The following IL6ST variants were observed in gnomAD, a reference collection of about 807,000 sequenced individuals.
The protein encoded by IL6ST is interleukin-6 receptor subunit beta.
In IL6ST, 24 loss-of-function variants were observed where a neutral mutation model predicts 91.3. The observed-to-expected ratio is 0.26, with a 90% CI of 0.19 to 0.37. The LOEUF (loss-of-function observed/expected upper bound fraction) is 0.37. Among genes scored for constraint, IL6ST ranks in the 10% least tolerant of loss-of-function variants. The pLI is 1.00. For missense variants in IL6ST, 914 were observed against 1,078.5 expected, an observed-to-expected ratio of 0.85 and a Z score of 2.14; for synonymous variants, 351 against 373.6, an observed-to-expected ratio of 0.94 and a Z score of 0.70.
At chr5:55,966,367 T>C (rs953442656) in intron 5 of IL6ST, among the ~76,000 whole-genome samples, 13 of 152,192 alleles carry the variant, frequency 8.5e-5, no homozygotes, top group South Asian at 2.1e-4. Flanking sequence ...CTTGCTGGGA[T>C]TGACTGAAGG....
intron 15 of IL6ST, 22 bp from the exon 16 acceptor site, chr5:55,942,773 C>A (rs1308006891): frequency 7.2e-7 from 1 of 1,381,052 alleles, no homozygotes; most frequent in South Asian, 1.2e-5. Context: ...AGAAAAATGG[C>A]CTATGTAAAA....
At chr5:55,971,703 T>C (rs1021500178) in intron 3 of IL6ST, among the ~76,000 whole-genome samples, 7 of 152,084 alleles carry the variant, frequency 4.6e-5, no homozygotes, top group African/African-American at 1.7e-4. Flanking sequence ...ACGCCTGTAG[T>C]CCCAGCTACT....
intron 2 of IL6ST, among the ~76,000 whole-genome samples, chr5:55,979,160 G>A (rs891665601): frequency 6.6e-5 from 10 of 152,176 alleles, no homozygotes; most frequent in African/African-American, 2.2e-4. Context: ...GGGAGGCTGA[G>A]GGGGAAGAAT....
rs1274122062 is a variant in IL6ST at position 55,951,562 on chromosome 5, G to C, written c.1742C>G (p.Ser581Cys). 1.2e-6 allele frequency: 2 copies of C among 1,612,764 alleles called. No individual in the cohort carries two copies. Among genetic ancestry groups the C allele is most frequent in the Non-Finnish European group, 1.7e-6 (2 of 1,178,780 alleles). ...DSSHTEYTLSSLTSDTLYMVR... is the reference protein window; with the variant it reads ...DSSHTEYTLSCLTSDTLYMVR... ...CATGTACAATGTGTCACTAGTCAAA[G>C]AGGACAATGTATATTCTGTGTGGGA... The change falls in exon 14 of 17, where the codon TCT becomes TGT. Residue 581 changes from serine (S) to cysteine (C), a missense_variant. By Grantham distance (112) the Ser-to-Cys change is moderately radical (BLOSUM62 -1). Transcript: ENST00000381298.
chr5:55,949,645 T>C (rs1304325301), intron 14 of IL6ST, among the ~76,000 whole-genome samples: 1 of 152,216 alleles, frequency 6.6e-6, no homozygotes, highest in East Asian at 1.9e-4. Context: ...TAAAGTTTTA[T>C]TTTAAATAAC....
chr5:55,978,768 A>T (rs929462918), intron 2 of IL6ST, among the ~76,000 whole-genome samples: 2 of 152,240 alleles, frequency 1.3e-5, no homozygotes, highest in South Asian at 4.1e-4. Flanking sequence ...GTTTTTGCTG[A>T]TAAGAAACGC....
In IL6ST at chr5:55,947,519, C is replaced by A. The variant is rs759086464; in HGVS notation, c.1911G>T (p.Val637=). 8 of 1,586,662 alleles carry A rather than the reference C, an allele frequency of 5.0e-6. No individual in the cohort carries two copies. Among genetic ancestry groups the A allele is most frequent in the Non-Finnish European group, 5.1e-6 (6 of 1,167,104 alleles). ...LAFLLTTLLG[V]LFCFNKRDLI... ...GGTCTCGCTTATTAAAGCAGAACAG[C>A]ACTCCCAGAAGAGTTGTCAATAGGA... The change falls in exon 15 of 17, where the codon GTG becomes GTT. Residue 637 remains valine (V), a synonymous_variant. Coordinates refer to ENST00000381298, the MANE Select transcript of IL6ST (RefSeq NM_002184.4).
At chr5:55,986,813 G>C (rs530540451) in intron 1 of IL6ST, among the ~76,000 whole-genome samples, 2 of 152,010 alleles carry the variant, frequency 1.3e-5, no homozygotes, top group African/African-American at 2.4e-5. Flanking sequence ...GTATATAATA[G>C]TATACTTCCA....
rs80236820 is a variant in IL6ST, at chr5:55,951,838, A to G, written c.1699+91T>C. 374 of 849,116 alleles carry G rather than the reference A, an allele frequency of 4.4e-4. 3 individuals are homozygous for G. In the African/African-American group the frequency reaches 6.0e-3, roughly 14 times the overall value. 52.6% of individuals were successfully genotyped at this position (849,116 alleles called of 1,614,324 possible). ...AGGTGTCTCCTGAGGCCAATATACT[A>G]TAAGATGTATAAGAAGAACAGACTT... is the stretch of plus-strand genomic sequence containing the variant. On this transcript the variant is annotated intron_variant, in intron 13 of 16. Transcript: ENST00000381298.
At chr5:55,956,478 T>C (rs1580810202) in intron 9 of IL6ST, among the ~76,000 whole-genome samples, 1 of 152,354 alleles carries the variant, frequency 6.6e-6, no homozygotes, top group East Asian at 1.9e-4. Context: ...TTTGGTTCTG[T>C]ATCAATTCTG....
intron 15 of IL6ST, among the ~76,000 whole-genome samples, chr5:55,943,454 T>C (rs1170823335): frequency 6.6e-6 from 1 of 152,208 alleles, no homozygotes; most frequent in Non-Finnish European, 1.5e-5. Context: ...CATGTTCCCA[T>C]TCATTTTATG....
chr5:55,967,059 C>T (rs1752672915), intron 5 of IL6ST, among the ~76,000 whole-genome samples: 1 of 151,748 alleles, frequency 6.6e-6, no homozygotes, highest in Admixed American at 6.6e-5. Flanking sequence ...CGTCTATCAT[C>T]TAAGCACTCT....
At chr5:55,976,053 A>G in intron 3 of IL6ST, 162 bp downstream of exon 3, 1 of 371,916 alleles carries the variant, frequency 2.7e-6, no homozygotes, top group Non-Finnish European at 4.8e-6. Flanking sequence ...ACAGATTATC[A>G]AGAATATTTT....
At chr5:55,976,701 T>A (rs1170070238) in intron 2 of IL6ST, among the ~76,000 whole-genome samples, 1 of 152,170 alleles carries the variant, frequency 6.6e-6, no homozygotes, top group African/African-American at 2.4e-5. Context: ...ATTTTCCCGA[T>A]ATATAAAGAA....
rs1751442710 is a variant in IL6ST, at chr5:55,948,924, G to T, written c.1841-1335C>A. 3 of 152,074 alleles carry T rather than the reference G, an allele frequency of 2.0e-5. 1 individual carries two copies. The South Asian group carries it at 6.2e-4, about 32-fold the overall frequency. 9.4% of individuals were successfully genotyped at this position (152,074 alleles called of 1,614,324 possible). ...TATGCAAAATTTCTTCAACTAAGCT[G>T]TAAGGTCCTCGTTGGCAAGACTCAA... On this transcript the variant is annotated intron_variant, in intron 14 of 16. Coordinates refer to ENST00000381298, the MANE Select transcript of IL6ST (RefSeq NM_002184.4).
chr5:55,945,669 TTTTTTTTC>T (rs1751202056), intron 15 of IL6ST, among the ~76,000 whole-genome samples: 1 of 135,708 alleles, frequency 7.4e-6, no homozygotes, highest in African/African-American at 2.8e-5. Context: ...TTTTTTTTTT[TTTTTTTTC>T]AGACACTCTG....
At chr5:55,951,326 C>T (rs1474884450) in intron 14 of IL6ST, 138 bp downstream of exon 14, 1 of 672,400 alleles carries the variant, frequency 1.5e-6, no homozygotes, top group Non-Finnish European at 2.5e-6. Flanking sequence ...ATAAAGAAAC[C>T]ACCAACCAAA....
rs1750550542 is a variant in IL6ST at position 55,936,615 on chromosome 5, T to C, written c.*4467A>G. ...TGATAAATGCTGTTACAAATATGCA[T>C]AGTCAGATGATAGTAACCACATACA... On this transcript the variant is annotated 3_prime_UTR_variant, in exon 17 of 17. Coordinates refer to ENST00000381298, the MANE Select transcript of IL6ST (RefSeq NM_002184.4). The C allele has an allele frequency of 5.1e-6, 1 of 197,058 alleles. No homozygotes were observed. The highest frequency in any genetic ancestry group is 1.9e-4 in the South Asian group (1 of 5,228). The allele number at this position is 197,058 out of a possible 1,614,324, so 12.2% of individuals were successfully genotyped here. A position where few individuals can be genotyped will look rare whatever the true frequency, so the allele number is the denominator to read the frequency against.
chr5:55,949,402 G>A (rs1171333552), intron 14 of IL6ST, among the ~76,000 whole-genome samples: 2 of 152,074 alleles, frequency 1.3e-5, no homozygotes, highest in Non-Finnish European at 2.9e-5. Flanking sequence ...TTGAGCCCAG[G>A]AATTTGAGGT....
Sources: allele counts gnomAD v4.1 joint callset (sites outside exome capture counted in the v4.1 genomes callset), GRCh38; gene constraint gnomAD v4.1.1; transcripts MANE v1.5; gene names NCBI Gene and HGNC (gene_info 2026-07-23, HGNC 2026-07-21).